The following TPMT variants were observed in gnomAD, a reference collection of about 807,000 sequenced individuals.
TPMT encodes thiopurine S-methyltransferase.
TPMT carries 18 observed loss-of-function variants against 34.2 expected under a neutral mutation model. The observed-to-expected ratio is 0.53, with a 90% CI of 0.36 to 0.78. The LOEUF (loss-of-function observed/expected upper bound fraction) is 0.78, where lower values mean the gene tolerates loss of function less well. TPMT is among the 30% of genes least tolerant of loss of function. The pLI, the probability that TPMT is intolerant of heterozygous loss-of-function variation, is 0.00. For missense variants in TPMT, 265 were observed against 288.1 expected, an observed-to-expected ratio of 0.92 and a Z score of 0.58; for synonymous variants, 69 against 92.4, an observed-to-expected ratio of 0.75 and a Z score of 1.45.
In TPMT at chr6:18,131,186, TA is replaced by T. The variant is rs1191455830; in HGVS notation, c.626-407del. Among the ~76,000 whole-genome samples, 1 of 152,188 alleles carries T rather than the reference TA, an allele frequency of 6.6e-6. No individual in the cohort carries two copies. The highest frequency in any genetic ancestry group is 1.9e-4 in the East Asian group (1 of 5,200). ...AAATTATTTTAAAAACAGTGTACAC[TA>T]AACATTTTTCTCTTCTTTTTAATCA... is the stretch of plus-strand genomic sequence containing the variant. On this transcript the variant is annotated intron_variant, in intron 8 of 8. Coordinates refer to ENST00000309983, the MANE Select transcript of TPMT (RefSeq NM_000367.5). The surrounding 1 kb of genome is among the most constrained non-coding windows in gnomAD (Gnocchi z 4.3).
At position 18,147,828 on chromosome 6, in the gene TPMT, C is replaced by A. The variant is rs754599894; in HGVS notation, c.228G>T (p.Met76Ile). The A allele has an allele frequency of 6.2e-7, 1 of 1,613,530 alleles. No individual in the cohort carries two copies. The highest frequency in any genetic ancestry group is 1.7e-5 in the Admixed American group (1 of 60,002). ...TAATGTTTATCTGCTCATACCATTT[C>A]ATCTCAACCGCTTTTCCGCAAAGAG... Reference protein sequence around the residue: ...FFPLCGKAVEMKWFADRGHSV... With the variant: ...FFPLCGKAVEIKWFADRGHSV... Residue 76 changes from methionine to isoleucine, a missense_variant, in exon 3 of 9, where the codon ATG (methionine) becomes ATT (isoleucine). Met to Ile is a conservative substitution (Grantham distance 10). Transcript: ENST00000309983.
Position 18,133,882 on chromosome 6 carries a change from C to T in TPMT, c.502G>A (p.Asp168Asn). Residue 168 changes from aspartate (D) to asparagine (N), a missense_variant, in exon 7 of 9, where the codon GAT becomes AAT. Physicochemically the swap from Asp to Asn is conservative, Grantham distance 23 (BLOSUM62 1). Transcript: ENST00000309983. Reference protein sequence around the residue: ...INPGDRKCYADTMFSLLGKKF... With the variant: ...INPGDRKCYANTMFSLLGKKF... ...TTTCCCAGGAGGGAAAACATTGTAT[C>T]TGCATAGCTACAAAGAACACAAGAA... 1 of 1,613,214 alleles carries T rather than the reference C, an allele frequency of 6.2e-7. No homozygotes were observed. The highest frequency in any genetic ancestry group is 1.1e-5 in the South Asian group (1 of 91,042).
At position 18,132,930 on chromosome 6, in the gene TPMT, C is replaced by T. The variant is rs1168027909; in HGVS notation, c.581-753G>A. The stretch of plus-strand genomic sequence containing the variant: ...CCAACATGGTGAAATCCTGTCTCTA[C>T]TAAAAATACAGAAATTAGCTGGGTG... On this transcript the variant is annotated intron_variant, in intron 7 of 8. Transcript: ENST00000309983. This position sits in a 1 kb window ranked among gnomAD's most constrained non-coding sequence, Gnocchi z 4.8. Among the ~76,000 whole-genome samples, 1 of 151,974 alleles carries T rather than the reference C, an allele frequency of 6.6e-6. No homozygotes were observed. Among genetic ancestry groups the T allele is most frequent in the East Asian group, 1.9e-4 (1 of 5,148 alleles).
chr6:18,141,872 A>G (rs1184693257), intron 4 of TPMT, among the ~76,000 whole-genome samples: 1 of 152,220 alleles, frequency 6.6e-6, no homozygotes, highest in African/African-American at 2.4e-5. Flanking sequence ...AGCTGCAGAC[A>G]TAGATGCCGG....
chr6:18,142,281 C>T (rs1469065095), intron 4 of TPMT, among the ~76,000 whole-genome samples: 2 of 151,962 alleles, frequency 1.3e-5, no homozygotes, highest in Non-Finnish European at 2.9e-5. Context: ...TGGCACAAGA[C>T]GACGAACCTG....
chr6:18,130,632 AC>A lies in TPMT; in HGVS notation c.*35del. ...TAGCATAATTTTCAATTCCTCAAAA[AC>A]ATGTCAGTGTGATTTTATTTTATCT... On this transcript the variant is annotated 3_prime_UTR_variant, in exon 9 of 9. Transcript: ENST00000309983. The surrounding 1 kb of genome is among the most constrained non-coding windows in gnomAD (Gnocchi z 4.2). The A allele has an allele frequency of 7.3e-7, 1 of 1,365,786 alleles. No homozygotes were observed. The highest frequency in any genetic ancestry group is 1.0e-6 in the Non-Finnish European group (1 of 956,750). The allele number at this position is 1,365,786 out of a possible 1,614,324, so 84.6% of individuals were successfully genotyped here. A position where few individuals can be genotyped will look rare whatever the true frequency, so the allele number is the denominator to read the frequency against.
chr6:18,128,330 A>G lies in TPMT; in HGVS notation c.*2338T>C, dbSNP rs1184875283. On this transcript the variant is annotated 3_prime_UTR_variant, in exon 9 of 9. Coordinates refer to ENST00000309983, the MANE Select transcript of TPMT (RefSeq NM_000367.5). This position sits in a 1 kb window ranked among gnomAD's most constrained non-coding sequence, Gnocchi z 4.6. ...GAAGCATTTTTGGAAAATCCTGAAA[A>G]CAATTTAATTGCTCTAAAATAATTT... 2 of 152,228 alleles carry G rather than the reference A, an allele frequency of 1.3e-5. No individual in the cohort carries two copies. The highest frequency in any genetic ancestry group is 2.9e-5 in the Non-Finnish European group (2 of 68,038). The allele number at this position is 152,228 out of a possible 1,614,324, so 9.4% of individuals were successfully genotyped here.
rs568946929 is a variant in TPMT at position 18,140,815 on chromosome 6, A to C, written c.367-1098T>G. Reference sequence around the variant, plus strand: ...GTGTGGACTGGGGGCACACTCCAAGAGGGGGCAATATAACATAGACTTTAG... The same window carrying C: ...GTGTGGACTGGGGGCACACTCCAAGCGGGGGCAATATAACATAGACTTTAG... On this transcript the variant is annotated intron_variant, in intron 4 of 8. Coordinates refer to ENST00000309983, the MANE Select transcript of TPMT (RefSeq NM_000367.5). This position sits in a 1 kb window ranked among gnomAD's most constrained non-coding sequence, Gnocchi z 4.7. 6.6e-6 allele frequency among the ~76,000 whole-genome samples: 1 copy of C among 152,290 alleles called. No homozygotes were observed. Among genetic ancestry groups the C allele is most frequent in the East Asian group, 1.9e-4 (1 of 5,180 alleles).
rs1028304333 is a variant in TPMT, at chr6:18,141,136, G to A, written c.367-1419C>T. Among the ~76,000 whole-genome samples the A allele has an allele frequency of 3.3e-4, 50 of 152,094 alleles. 1 individual carries two copies. Among genetic ancestry groups the A allele is most frequent in the Non-Finnish European group, 1.5e-5 (1 of 68,020 alleles). On this transcript the variant is annotated intron_variant, in intron 4 of 8. Transcript: ENST00000309983. ...TAATTGGCCTGGGGTAAGACCTTTG[G>A]ATTGGGAATTTTTATAAGATCCAGA... is the stretch of plus-strand genomic sequence containing the variant.
Position 18,139,938 on chromosome 6 carries a change from G to A in TPMT, c.367-221C>T, listed in dbSNP as rs1784111972. ...GCCAACTCAGAGGAATATCACAGAGGACAACTTTGAAGATCAGTTGGCTGT... is the reference window on the plus strand; with the variant it reads ...GCCAACTCAGAGGAATATCACAGAGAACAACTTTGAAGATCAGTTGGCTGT... On this transcript the variant is annotated intron_variant, in intron 4 of 8. Coordinates refer to ENST00000309983, the MANE Select transcript of TPMT (RefSeq NM_000367.5). The surrounding 1 kb of genome is among the most constrained non-coding windows in gnomAD (Gnocchi z 4.2). Among the ~76,000 whole-genome samples, 1 of 152,096 alleles carries A rather than the reference G, an allele frequency of 6.6e-6. No individual in the cohort carries two copies. The highest frequency in any genetic ancestry group is 6.6e-5 in the Admixed American group (1 of 15,266).
At chr6:18,147,117 T>C (rs960775512) in intron 3 of TPMT, among the ~76,000 whole-genome samples, 2 of 152,260 alleles carry the variant, frequency 1.3e-5, no homozygotes, top group Non-Finnish European at 2.9e-5. Flanking sequence ...ATACATTCTT[T>C]TTTCTTTCCT....
At position 18,150,894 on chromosome 6, in the gene TPMT, A is replaced by C. The variant is rs1220706332; in HGVS notation, c.-44-1723T>G. On this transcript the variant is annotated intron_variant, in intron 1 of 8. Coordinates refer to ENST00000309983, the MANE Select transcript of TPMT (RefSeq NM_000367.5). This position sits in a 1 kb window ranked among gnomAD's most constrained non-coding sequence, Gnocchi z 5.3. ...AGGTCCAGCTAATTTTTGTGTTTTTAATAGAGATGAGATTTGACCATGTTG... is the reference window on the plus strand; with the variant it reads ...AGGTCCAGCTAATTTTTGTGTTTTTCATAGAGATGAGATTTGACCATGTTG... Among the ~76,000 whole-genome samples, 1 of 152,070 alleles carries C rather than the reference A, an allele frequency of 6.6e-6. No individual in the cohort carries two copies. The highest frequency in any genetic ancestry group is 1.5e-5 in the Non-Finnish European group (1 of 68,026).
In TPMT at chr6:18,139,092, T is replaced by C. The variant is rs976236762; in HGVS notation, c.420-55A>G. 25 of 1,469,690 alleles carry C rather than the reference T, an allele frequency of 1.7e-5. No homozygotes were observed. The African/African-American group carries it at 3.0e-4, about 18-fold the overall frequency. 91.0% of individuals were successfully genotyped at this position (1,469,690 alleles called of 1,614,324 possible). A position where few individuals can be genotyped will look rare whatever the true frequency, so the allele number is the denominator to read the frequency against. On this transcript the variant is annotated intron_variant, in intron 5 of 8. Coordinates refer to ENST00000309983, the MANE Select transcript of TPMT (RefSeq NM_000367.5). The surrounding 1 kb of genome is among the most constrained non-coding windows in gnomAD (Gnocchi z 4.2). Reference sequence around the variant, plus strand: ...GAGAAAAATCAAATCTTTAAGAAGATGAGCAGCGTCCCCCATGGTGCATGC... The same window carrying C: ...GAGAAAAATCAAATCTTTAAGAAGACGAGCAGCGTCCCCCATGGTGCATGC...
chr6:18,139,632 T>C lies in TPMT; in HGVS notation c.419+33A>G, dbSNP rs777947203. On this transcript the variant is annotated intron_variant, in intron 5 of 8. Coordinates refer to ENST00000309983, the MANE Select transcript of TPMT (RefSeq NM_000367.5). This position sits in a 1 kb window ranked among gnomAD's most constrained non-coding sequence, Gnocchi z 4.2. ...CTGCACTGCCTGGCAAGCATTCAAA[T>C]TTTTTAAAGTGCAGATGTAGTATTC... is the stretch of plus-strand genomic sequence containing the variant. The C allele has an allele frequency of 2.6e-4, 409 of 1,590,792 alleles. No homozygotes were observed. Among genetic ancestry groups the C allele is most frequent in the Non-Finnish European group, 3.4e-4 (399 of 1,159,286 alleles).
Position 18,131,068 on chromosome 6 carries a change from A to G in TPMT, c.626-288T>C, listed in dbSNP as rs1043090640. 6.6e-6 allele frequency among the ~76,000 whole-genome samples: 1 copy of G among 152,044 alleles called. No homozygotes were observed. Among genetic ancestry groups the G allele is most frequent in the East Asian group, 1.9e-4 (1 of 5,170 alleles). Reference sequence around the variant, plus strand: ...CAGGAGAATCGCTTGAACCCGGGAGATGGAGGTTGCAGTGAGCTGAGATTG... The same window carrying G: ...CAGGAGAATCGCTTGAACCCGGGAGGTGGAGGTTGCAGTGAGCTGAGATTG... On this transcript the variant is annotated intron_variant, in intron 8 of 8. Coordinates refer to ENST00000309983, the MANE Select transcript of TPMT (RefSeq NM_000367.5). The surrounding 1 kb of genome is among the most constrained non-coding windows in gnomAD (Gnocchi z 4.3).
At position 18,149,124 on chromosome 6, in the gene TPMT, C is replaced by G; in HGVS notation, c.4G>C (p.Asp2His). Residue 2 changes from aspartate (D) to histidine (H), a missense_variant, in exon 2 of 9, where the codon GAT becomes CAT. Physicochemically the swap from Asp to His is moderately conservative, Grantham distance 81. Transcript: ENST00000309983. This position sits in a 1 kb window ranked among gnomAD's most constrained non-coding sequence, Gnocchi z 5.0. The part of the protein sequence containing the change: M[D>H]GTRTSLDIEE... ...ATGTCAAGTGAAGTTCTTGTACCATCCATAGTTTCAGAGACACCTTTGTCT... is the reference window on the plus strand; with the variant it reads ...ATGTCAAGTGAAGTTCTTGTACCATGCATAGTTTCAGAGACACCTTTGTCT... 6.2e-7 allele frequency: 1 copy of G among 1,614,108 alleles called. No individual in the cohort carries two copies. The highest frequency in any genetic ancestry group is 8.5e-7 in the Non-Finnish European group (1 of 1,180,032).
rs1423832909 is a variant in TPMT, at chr6:18,150,864, C to G, written c.-44-1693G>C. ...GAGTAGCTGGGATTACAGGCATGCA[C>G]TACCAGGTCCAGCTAATTTTTGTGT... On this transcript the variant is annotated intron_variant, in intron 1 of 8. Transcript: ENST00000309983. This position sits in a 1 kb window ranked among gnomAD's most constrained non-coding sequence, Gnocchi z 5.3. Among the ~76,000 whole-genome samples the G allele has an allele frequency of 6.6e-6, 1 of 152,132 alleles. No homozygotes were observed. Among genetic ancestry groups the G allele is most frequent in the Non-Finnish European group, 1.5e-5 (1 of 68,038 alleles).
chr6:18,140,462 G>C lies in TPMT; in HGVS notation c.367-745C>G, dbSNP rs1258039130. Among the ~76,000 whole-genome samples the C allele has an allele frequency of 6.6e-6, 1 of 152,136 alleles. No individual in the cohort carries two copies. Among genetic ancestry groups the C allele is most frequent in the Non-Finnish European group, 1.5e-5 (1 of 68,030 alleles). On this transcript the variant is annotated intron_variant, in intron 4 of 8. Transcript: ENST00000309983. The surrounding 1 kb of genome is among the most constrained non-coding windows in gnomAD (Gnocchi z 4.7). ...TCCAGCACTTTGGGAGGCTGAAGCA[G>C]GCAGATCGCTTGAGCCCAGGAGTAT...
rs764280463 is a variant in TPMT at position 18,153,795 on chromosome 6, G to A, written c.-45+1238C>T. On this transcript the variant is annotated intron_variant, in intron 1 of 8. Coordinates refer to ENST00000309983, the MANE Select transcript of TPMT (RefSeq NM_000367.5). The surrounding 1 kb of genome is among the most constrained non-coding windows in gnomAD (Gnocchi z 4.2). ...GAACCTAAATTCAAGGCTTCATAAA[G>A]CAGTTCTCTACTTAAAAGAGAAGCA... Among the ~76,000 whole-genome samples the A allele has an allele frequency of 7.9e-5, 12 of 152,318 alleles. No homozygotes were observed. The highest frequency in any genetic ancestry group is 1.5e-4 in the Non-Finnish European group (10 of 68,038).
Sources: gnomAD v4.1 joint callset for allele counts (sites outside exome capture counted in the v4.1 genomes callset) on GRCh38, gnomAD v4.1.1 for gene constraint, Gnocchi (gnomAD v3.1) non-coding constraint, MANE v1.5 for transcripts, NCBI Gene and HGNC (gene_info 2026-07-23, HGNC 2026-07-21) for gene names.